TP53TG5: variants seen among roughly 807,000 people sequenced by gnomAD.
TP53TG5 encodes TP53-target gene 5 protein.
Under a neutral mutation model 30.0 loss-of-function variants are expected in TP53TG5, and 17 were observed. The ratio of observed to expected loss-of-function variants is 0.57; its 90% CI spans 0.39 to 0.85. The LOEUF is 0.85. TP53TG5 is among the 40% of genes least tolerant of loss of function. The probability of loss-of-function intolerance (pLI) is 0.00; values close to 1 mark genes in which losing one functional copy is unlikely to be tolerated. For synonymous variants in TP53TG5, 137 were observed against 139.2 expected (o/e 0.98, Z 0.11); for missense variants, 338 against 367.9 (o/e 0.92, Z 0.67).
Position 45,375,115 on chromosome 20 carries a change from G to A in TP53TG5, c.692C>T (p.Thr231Ile), listed in dbSNP as rs1988685278. 4 of 1,614,134 alleles carry A rather than the reference G, an allele frequency of 2.5e-6. No individual in the cohort carries two copies. The highest frequency in any genetic ancestry group is 3.4e-6 in the Non-Finnish European group (4 of 1,180,052). ...GCAGCGGCGCTTGACCCAACGCAGG[G>A]TGGAGGATCTGCACATCACCCTGGG... Reference protein sequence around the residue: ...PAPRVMCRSSTLRWVKRRCTR... With the variant: ...PAPRVMCRSSILRWVKRRCTR... Residue 231 changes from threonine (T) to isoleucine (I), a missense_variant, in exon 4 of 5, where the codon ACC (threonine) becomes ATC (isoleucine). By Grantham distance (89) the Thr-to-Ile change is moderately conservative. Coordinates refer to ENST00000372726, the MANE Select transcript of TP53TG5 (RefSeq NM_014477.3).
intron 1 of TP53TG5, among the ~76,000 whole-genome samples, chr20:45,377,977 G>C (rs1432665503): frequency 1.3e-5 from 2 of 152,160 alleles, no homozygotes; most frequent in East Asian, 3.9e-4. Context: ...CTCTTCATTT[G>C]GCTGAGCATG....
chr20:45,376,074 T>C (rs1988722662), intron 3 of TP53TG5: 1 of 152,706 alleles, frequency 6.5e-6, no homozygotes, highest in Non-Finnish European at 1.5e-5. Flanking sequence ...GGTGAGACTC[T>C]GTCTCCATAC....
chr20:45,374,330 T>A, intron 4 of TP53TG5: 1 of 685,758 alleles, frequency 1.5e-6, no homozygotes, highest in Non-Finnish European at 2.6e-6. Context: ...TGGAGTGCAG[T>A]GGCGAAGTCA....
At chr20:45,375,605 C>T (rs1455089773) in intron 3 of TP53TG5, 53 bp from the exon 4 acceptor site, 71 of 1,549,714 alleles carry the variant, frequency 4.6e-5, no homozygotes, top group Non-Finnish European at 5.4e-5. Context: ...CCCTGGTTCC[C>T]GAGACAGTTG....
intron 3 of TP53TG5, chr20:45,376,695 G>A (rs1187896991): frequency 1.3e-5 from 2 of 151,794 alleles, no homozygotes; most frequent in Non-Finnish European, 2.9e-5. Flanking sequence ...ACCAATCAAT[G>A]TTAGCTTTCT....
At chr20:45,378,060 C>G in intron 1 of TP53TG5, 129 bp downstream of exon 1, 1 of 1,301,318 alleles carries the variant, frequency 7.7e-7, no homozygotes, top group Admixed American at 1.8e-5. Flanking sequence ...TTTTAACTCT[C>G]CTGACCTCCC....
chr20:45,372,958 G>C lies in TP53TG5; in HGVS notation c.*949C>G, dbSNP rs115241471. ...GGAGGGGGGGAGAGTCCATCCAATC[G>C]TTCTCCCTCTGTCCCAAACTGGAGA... On this transcript the variant is annotated 3_prime_UTR_variant, in exon 5 of 5. Transcript: ENST00000372726. The C allele has an allele frequency of 6.6e-6, 1 of 152,156 alleles. No homozygotes were observed. The highest frequency in any genetic ancestry group is 1.9e-4 in the East Asian group (1 of 5,200). 9.4% of individuals were successfully genotyped at this position (152,156 alleles called of 1,614,324 possible). A position where few individuals can be genotyped will look rare whatever the true frequency, so the allele number is the denominator to read the frequency against.
At position 45,375,116 on chromosome 20, in the gene TP53TG5, T is replaced by G. The variant is rs201045858; in HGVS notation, c.691A>C (p.Thr231Pro). ...CAGCGGCGCTTGACCCAACGCAGGGTGGAGGATCTGCACATCACCCTGGGC... is the reference window on the plus strand; with the variant it reads ...CAGCGGCGCTTGACCCAACGCAGGGGGGAGGATCTGCACATCACCCTGGGC... ...PAPRVMCRSSTLRWVKRRCTR... is the reference protein window; with the variant it reads ...PAPRVMCRSSPLRWVKRRCTR... The change falls in exon 4 of 5, where the codon ACC becomes CCC. Residue 231 changes from threonine (T) to proline (P), a missense_variant. Transcript: ENST00000372726. The G allele has an allele frequency of 6.4e-5, 104 of 1,614,068 alleles. 1 individual carries two copies. In the East Asian group the frequency reaches 2.1e-3, roughly 33 times the overall value.
At chr20:45,377,453 C>G in intron 2 of TP53TG5, 86 bp downstream of exon 2, 13 of 1,609,076 alleles carry the variant, frequency 8.1e-6, no homozygotes, top group Non-Finnish European at 9.3e-6. Flanking sequence ...TGCTGGCTCC[C>G]CTGGGCCACT....
Position 45,377,253 on chromosome 20 carries a change from A to G in TP53TG5, c.213T>C (p.His71=). Residue 71 remains histidine, a synonymous_variant, in exon 3 of 5, where the codon CAT becomes CAC. Transcript: ENST00000372726. ...ELHKLAKRCW[H]SLLSVPKILR... ...GAATCTTTGGAACACTGAGCAGTGA[A>G]TGCCAACACCTTTTGGCCAGCTTAT... 1 of 1,614,140 alleles carries G rather than the reference A, an allele frequency of 6.2e-7. No homozygotes were observed. The highest frequency in any genetic ancestry group is 8.5e-7 in the Non-Finnish European group (1 of 1,180,044).
chr20:45,378,145 TC>T (rs756529773), intron 1 of TP53TG5, 43 bp downstream of exon 1: 11 of 1,612,908 alleles, frequency 6.8e-6, no homozygotes, highest in Non-Finnish European at 9.3e-6. Flanking sequence ...TTTGTTAAGG[TC>T]CCCTCTAGGG....
chr20:45,377,843 G>A (rs1382937946), intron 1 of TP53TG5, among the ~76,000 whole-genome samples: 1 of 152,216 alleles, frequency 6.6e-6, no homozygotes, highest in Non-Finnish European at 1.5e-5. Flanking sequence ...TCAAGAGGGT[G>A]AGGCAGGAGA....
rs753130098 is a variant in TP53TG5 at position 45,378,260 on chromosome 20, A to T, written c.-24T>A. The T allele has an allele frequency of 6.2e-7, 1 of 1,613,930 alleles. No individual in the cohort carries two copies. Among genetic ancestry groups the T allele is most frequent in the South Asian group, 1.1e-5 (1 of 91,084 alleles). ...ATGCTGGGGCTGTGAGACCTCAGAG[A>T]TGAATGGAGCAACACCAGTGCCAGG... On this transcript the variant is annotated 5_prime_UTR_variant, in exon 1 of 5. Coordinates refer to ENST00000372726, the MANE Select transcript of TP53TG5 (RefSeq NM_014477.3).
chr20:45,378,253 C>G lies in TP53TG5; in HGVS notation c.-17G>C. The G allele has an allele frequency of 1.2e-6, 2 of 1,614,054 alleles. No individual in the cohort carries two copies. Among genetic ancestry groups the G allele is most frequent in the Non-Finnish European group, 1.7e-6 (2 of 1,179,964 alleles). On this transcript the variant is annotated 5_prime_UTR_variant, in exon 1 of 5. Coordinates refer to ENST00000372726, the MANE Select transcript of TP53TG5 (RefSeq NM_014477.3). ...TGGACTCATGCTGGGGCTGTGAGACCTCAGAGATGAATGGAGCAACACCAG... is the reference window on the plus strand; with the variant it reads ...TGGACTCATGCTGGGGCTGTGAGACGTCAGAGATGAATGGAGCAACACCAG...
At chr20:45,375,692 C>G (rs1011294955) in intron 3 of TP53TG5, 140 bp from the exon 4 acceptor site, 4 of 1,062,778 alleles carry the variant, frequency 3.8e-6, no homozygotes, top group Admixed American at 2.4e-5. Flanking sequence ...TGCCCAGAGG[C>G]CTTGTGCTGG....
intron 1 of TP53TG5, among the ~76,000 whole-genome samples, 154 bp downstream of exon 1, chr20:45,378,035 A>C (rs1417193608): frequency 6.6e-6 from 1 of 152,220 alleles, no homozygotes; most frequent in African/African-American, 2.4e-5. Flanking sequence ...GTCTGGGGAC[A>C]GAACTGGGAG....
At chr20:45,375,897 T>C (rs750322324) in intron 3 of TP53TG5, 12 of 240,878 alleles carry the variant, frequency 5.0e-5, no homozygotes, top group Middle Eastern at 1.5e-3. Context: ...CCAAGAACCT[T>C]AGGGTTCTGA....
chr20:45,375,997 T>C (rs1988720390), intron 3 of TP53TG5: 1 of 159,070 alleles, frequency 6.3e-6, no homozygotes, highest in African/African-American at 2.4e-5. Flanking sequence ...TGGAAATAGA[T>C]ATTTGAACAG....
intron 4 of TP53TG5, chr20:45,374,340 A>C (rs1354714928): frequency 1.5e-6 from 1 of 678,816 alleles, no homozygotes; most frequent in Non-Finnish European, 2.6e-6. Flanking sequence ...TGGCGAAGTC[A>C]CAGCTCACTG....
Sources: gnomAD v4.1 joint callset for allele counts (sites outside exome capture counted in the v4.1 genomes callset) on GRCh38, gnomAD v4.1.1 for gene constraint, MANE v1.5 for transcripts, NCBI Gene and HGNC (gene_info 2026-07-23, HGNC 2026-07-21) for gene names.